The following TACC2 variants were observed in gnomAD, a reference collection of about 807,000 sequenced individuals.
The protein encoded by TACC2 is transforming acidic coiled-coil-containing protein 2.
In TACC2, 137 loss-of-function variants were observed where a neutral mutation model predicts 227.3. That is an observed-to-expected ratio of 0.60 (90% CI 0.52 to 0.69). The LOEUF is 0.69. TACC2 is among the 30% of genes least tolerant of loss of function. TACC2 has a pLI of 0.00. For missense variants in TACC2, 3,470 were observed against 3,694.4 expected (o/e 0.94, Z 1.57); for synonymous variants, 1,523 against 1,487.5 (o/e 1.02, Z -0.55).
chr10:122,078,307 C>T (rs1053097564), intron 3 of TACC2, among the ~76,000 whole-genome samples: 11 of 151,388 alleles, frequency 7.3e-5, no homozygotes, highest in African/African-American at 2.2e-4. Context: ...GTTTTGCCGA[C>T]TCCTGAAAAC....
At chr10:122,177,134 G>A (rs1185815414) in intron 7 of TACC2, among the ~76,000 whole-genome samples, 1 of 152,188 alleles carries the variant, frequency 6.6e-6, no homozygotes, top group African/African-American at 2.4e-5. Context: ...TCCTGTGTCT[G>A]CAGTTTCTCA....
At chr10:122,045,085 G>A (rs1359663605) in intron 2 of TACC2, among the ~76,000 whole-genome samples, 1 of 152,144 alleles carries the variant, frequency 6.6e-6, no homozygotes, top group African/African-American at 2.4e-5. Flanking sequence ...TGTGGCAAAA[G>A]CGAGAGTTCC....
chr10:122,096,083 C>T (rs1260263536), intron 5 of TACC2, among the ~76,000 whole-genome samples: 11 of 152,272 alleles, frequency 7.2e-5, no homozygotes, highest in African/African-American at 1.9e-4. Flanking sequence ...GAGTATTAGG[C>T]GCCCCTTCCT....
intron 1 of TACC2, among the ~76,000 whole-genome samples, chr10:122,021,503 C>T (rs1053224555): frequency 2.0e-5 from 3 of 152,094 alleles, no homozygotes; most frequent in African/African-American, 7.2e-5. Context: ...TGTCTGACAC[C>T]GAGCTCTGCC....
intron 2 of TACC2, chr10:122,023,176 C>G (rs1471065925): frequency 3.9e-5 from 6 of 152,194 alleles, no homozygotes; most frequent in African/African-American, 1.4e-4. Flanking sequence ...ATTACAGGGG[C>G]CTGCCACCAT....
At chr10:122,240,932 C>T (rs2095978496) in intron 18 of TACC2, among the ~76,000 whole-genome samples, 1 of 152,162 alleles carries the variant, frequency 6.6e-6, no homozygotes, top group Non-Finnish European at 1.5e-5. Flanking sequence ...AAGAAGTTTA[C>T]TCTGGGCCAG....
At chr10:122,082,587 C>T (rs2079643186) in intron 3 of TACC2, 60 bp from the exon 4 acceptor site, 6 of 1,541,154 alleles carry the variant, frequency 3.9e-6, no homozygotes, top group South Asian at 3.8e-5. Context: ...GGTGACCTGC[C>T]TGCAGTGTGG....
chr10:122,086,213 T>C lies in TACC2; in HGVS notation c.3713T>C (p.Leu1238Pro). 6.2e-7 allele frequency: 1 copy of C among 1,613,780 alleles called. No individual in the cohort carries two copies. The highest frequency in any genetic ancestry group is 8.5e-7 in the Non-Finnish European group (1 of 1,180,024). ...PEVAAPDTPY[L>P]HVDSAAQRGA... ...GTGGCTGCTCCTGACACCCCTTACCTGCATGTCGACAGTGCTGCCCAGAGA... is the reference window on the plus strand; with the variant it reads ...GTGGCTGCTCCTGACACCCCTTACCCGCATGTCGACAGTGCTGCCCAGAGA... The change falls in exon 4 of 23, where the codon CTG (leucine) becomes CCG (proline). Residue 1238 changes from leucine to proline, a missense_variant. By Grantham distance (98) the Leu-to-Pro change is moderately conservative. Coordinates refer to ENST00000369005, the MANE Select transcript of TACC2 (RefSeq NM_206862.4).
At chr10:122,167,194 C>G (rs2093221956) in intron 7 of TACC2, among the ~76,000 whole-genome samples, 1 of 152,222 alleles carries the variant, frequency 6.6e-6, no homozygotes, top group East Asian at 1.9e-4. Context: ...TTGCCCTACT[C>G]TCAAAGTGAG....
At chr10:122,135,566 T>C (rs2089444546) in intron 6 of TACC2, among the ~76,000 whole-genome samples, 1 of 152,224 alleles carries the variant, frequency 6.6e-6, no homozygotes, top group Admixed American at 6.5e-5. Flanking sequence ...CTTGTTGTTT[T>C]TACTGGATTG....
chr10:122,253,910 C>A, intron 22 of TACC2, 81 bp from the exon 23 acceptor site: 1 of 1,185,080 alleles, frequency 8.4e-7, no homozygotes. Context: ...GGTGGTCCCC[C>A]ATCTCCCCAA....
chr10:122,124,649 A>G (rs1163769697), intron 5 of TACC2, among the ~76,000 whole-genome samples: 1 of 152,194 alleles, frequency 6.6e-6, no homozygotes, highest in East Asian at 1.9e-4. Context: ...ACGGAGCTCC[A>G]TGTGTGCTGG....
chr10:122,098,620 G>T (rs2081760953), intron 5 of TACC2, among the ~76,000 whole-genome samples: 1 of 152,160 alleles, frequency 6.6e-6, no homozygotes, highest in African/African-American at 2.4e-5. Flanking sequence ...CGTGTGAAAA[G>T]CTTAGCAAAG....
chr10:122,167,548 G>A (rs78678623), intron 7 of TACC2, among the ~76,000 whole-genome samples: 9,997 of 152,268 alleles, frequency 0.066, 1,049 homozygotes, highest in African/African-American at 0.23. Flanking sequence ...GAAGGATCTC[G>A]GGTACCACCG....
chr10:122,001,072 C>T (rs1054619908), intron 1 of TACC2, among the ~76,000 whole-genome samples: 2 of 152,248 alleles, frequency 1.3e-5, no homozygotes, highest in Admixed American at 6.5e-5. Context: ...ATCCACCTGC[C>T]GTGGCTTCCC....
chr10:122,034,831 G>A (rs561933130), intron 2 of TACC2, among the ~76,000 whole-genome samples: 13 of 151,932 alleles, frequency 8.6e-5, no homozygotes, highest in East Asian at 1.9e-4. Flanking sequence ...AGGAGGCTGA[G>A]GCAGGAGAAT....
Position 122,082,951 on chromosome 10 carries a change from G to C in TACC2, c.451G>C (p.Ala151Pro), listed in dbSNP as rs1198883792. Residue 151 changes from alanine (A) to proline (P), a missense_variant, in exon 4 of 23, where the codon GCG becomes CCG. Around this residue, in one of 10 missense-constraint regions of TACC2, gnomAD observed 405 missense variants for 389.6 expected, o/e 1.04. Coordinates refer to ENST00000369005, the MANE Select transcript of TACC2 (RefSeq NM_206862.4). Reference protein sequence around the residue: ...EPAPNAPGDIAAAFPAERDSS... With the variant: ...EPAPNAPGDIPAAFPAERDSS... ...TGCCCCAAATGCCCCAGGAGACATCGCGGCGGCATTTCCCGCTGAGAGGGA... is the reference window on the plus strand; with the variant it reads ...TGCCCCAAATGCCCCAGGAGACATCCCGGCGGCATTTCCCGCTGAGAGGGA... The C allele has an allele frequency of 6.2e-7, 1 of 1,612,986 alleles. No homozygotes were observed.
chr10:122,082,714 C>T lies in TACC2; in HGVS notation c.214C>T (p.Leu72Phe), dbSNP rs754047980. Residue 72 changes from leucine to phenylalanine, a missense_variant, in exon 4 of 23, where the codon CTT (leucine) becomes TTT (phenylalanine). Leu to Phe is a conservative substitution (Grantham distance 22). This residue lies in a region of TACC2 where 405 missense variants were observed against 389.6 expected (regional missense o/e 1.04). Coordinates refer to ENST00000369005, the MANE Select transcript of TACC2 (RefSeq NM_206862.4). ...SESSASLDPCLVSPEVTEPRK... is the reference protein window; with the variant it reads ...SESSASLDPCFVSPEVTEPRK... ...GAGTTCTGCCAGCCTGGATCCATGCCTTGTGTCCCCAGAGGTGACTGAGCC... is the reference window on the plus strand; with the variant it reads ...GAGTTCTGCCAGCCTGGATCCATGCTTTGTGTCCCCAGAGGTGACTGAGCC... The T allele has an allele frequency of 7.4e-6, 12 of 1,613,974 alleles. No homozygotes were observed. The Admixed American group carries it at 1.0e-4, about 13-fold the overall frequency.
intron 22 of TACC2, among the ~76,000 whole-genome samples, chr10:122,250,041 C>T (rs1254710290): frequency 6.6e-6 from 1 of 152,208 alleles, no homozygotes; most frequent in African/African-American, 2.4e-5. Flanking sequence ...GCAGTGGTGG[C>T]CAGCTGATGC....
Sources: gnomAD v4.1 joint callset for allele counts (sites outside exome capture counted in the v4.1 genomes callset) on GRCh38, gnomAD v4.1.1 for gene constraint, gnomAD v4.1.1 regional missense constraint, MANE v1.5 for transcripts, NCBI Gene and HGNC (gene_info 2026-07-23, HGNC 2026-07-21) for gene names.